The following EPN1 variants were observed in gnomAD, a reference collection of about 807,000 sequenced individuals.
EPN1 encodes the protein epsin-1.
EPN1 carries 25 observed loss-of-function variants against 56.9 expected under a neutral mutation model. That is an observed-to-expected ratio of 0.44 (90% confidence interval 0.32 to 0.61). The LOEUF (loss-of-function observed/expected upper bound fraction) is 0.61. Among genes scored for constraint, EPN1 ranks in the 20% least tolerant of loss-of-function variants. EPN1 has a pLI of 0.05. For synonymous variants in EPN1, 411 were observed against 361.8 expected (o/e 1.14, Z -1.54); for missense variants, 785 against 823.7 (o/e 0.95, Z 0.58).
In EPN1 at chr19:55,693,042, G is replaced by GCCCCTGCCCT. The variant is rs1015462838; in HGVS notation, c.1264+15_1264+24dup. 1.9e-6 allele frequency: 3 copies of GCCCCTGCCCT among 1,611,602 alleles called. No homozygotes were observed. Among genetic ancestry groups the GCCCCTGCCCT allele is most frequent in the African/African-American group, 1.3e-5 (1 of 75,018 alleles). On this transcript the variant is annotated splice_donor_region_variant and intron_variant, in intron 9 of 10. Coordinates refer to ENST00000270460, the MANE Select transcript of EPN1 (RefSeq NM_001130072.2). ...CGACCTCCGGGAGCAGCGCAGGTGA[G>GCCCCTGCCCT]CCCCTGCCCTCCCCTGCCCAGTGGC...
intron 2 of EPN1, chr19:55,680,870 G>C (rs1985769772): frequency 6.6e-6 from 1 of 152,468 alleles, no homozygotes; most frequent in Non-Finnish European, 1.5e-5. Context: ...GTGCTGACCT[G>C]TTCTGGCATG....
Position 55,697,398 on chromosome 19 carries a change from A to G in EPN1, c.*2042A>G, listed in dbSNP as rs2039386786. On this transcript the variant is annotated 3_prime_UTR_variant, in exon 11 of 11. Transcript: ENST00000270460. ...AGACCCTCCATTCACCAAATTAAGGATAAGTTTCACGATTTCGCACTGCGG... is the reference window on the plus strand; with the variant it reads ...AGACCCTCCATTCACCAAATTAAGGGTAAGTTTCACGATTTCGCACTGCGG... 2 of 152,200 alleles carry G rather than the reference A, an allele frequency of 1.3e-5. No homozygotes were observed. The highest frequency in any genetic ancestry group is 4.1e-4 in the South Asian group (2 of 4,834). The allele number at this position is 152,200 out of a possible 1,614,324, so 9.4% of individuals were successfully genotyped here.
In EPN1 at chr19:55,691,949, C is replaced by T. The variant is rs1202662066; in HGVS notation, c.958C>T (p.Pro320Ser). ...GPAPTPASGD[P>S]WRPAAPAGPS... is the part of the protein sequence containing the mutation. ...AGCCCCCACGCCGGCCTCTGGGGAC[C>T]CCTGGAGGCCTGCTGCCCCTGCAGG... The change falls in exon 7 of 11, where the codon CCC becomes TCC. Residue 320 changes from proline (P) to serine (S), a missense_variant. Coordinates refer to ENST00000270460, the MANE Select transcript of EPN1 (RefSeq NM_001130072.2). This position sits in a 1 kb window ranked among gnomAD's most constrained non-coding sequence, Gnocchi z 5.6. 2 of 1,529,770 alleles carry T rather than the reference C, an allele frequency of 1.3e-6. No homozygotes were observed. Among genetic ancestry groups the T allele is most frequent in the East Asian group, 4.6e-5 (2 of 43,196 alleles). 94.8% of individuals were successfully genotyped at this position (1,529,770 alleles called of 1,614,324 possible). A position where few individuals can be genotyped will look rare whatever the true frequency, so the allele number is the denominator to read the frequency against.
intron 7 of EPN1, 140 bp downstream of exon 7, chr19:55,692,197 G>A: frequency 1.3e-6 from 1 of 744,782 alleles, no homozygotes; most frequent in Non-Finnish European, 2.0e-6. Flanking sequence ...GAGGGGGCAA[G>A]GGCGGGGGTC....
At chr19:55,675,565 T>A (rs2122148792) in intron 1 of EPN1, 130 bp downstream of exon 1, 1 of 153,362 alleles carries the variant, frequency 6.5e-6, no homozygotes, top group East Asian at 1.9e-4. Flanking sequence ...TCTCTGCTCC[T>A]GTGTCGGCCT....
rs370140669 is a variant in EPN1 at position 55,689,884 on chromosome 19, C to A, written c.696C>A (p.Arg232=). 8 of 1,604,924 alleles carry A rather than the reference C, an allele frequency of 5.0e-6. No individual in the cohort carries two copies. The highest frequency in any genetic ancestry group is 1.7e-4 in the Middle Eastern group (1 of 6,008). The change falls in exon 6 of 11, where the codon CGC becomes CGA. Residue 232 remains arginine, a synonymous_variant. Transcript: ENST00000270460. The surrounding 1 kb of genome is among the most constrained non-coding windows in gnomAD (Gnocchi z 5.7). ...EEHDKEERIR[R]GDDLRLQMAI... ...CCCAACAGGAGGAGCGGATCCGTCG[C>A]GGGGATGACCTGCGGCTGCAGATGG... is the stretch of plus-strand genomic sequence containing the variant.
At position 55,694,590 on chromosome 19, in the gene EPN1, G is replaced by A. The variant is rs570684004; in HGVS notation, c.1265-136G>A. 11 of 1,100,010 alleles carry A rather than the reference G, an allele frequency of 1.0e-5. No homozygotes were observed. In the Admixed American group the frequency reaches 3.5e-4, roughly 35 times the overall value. The allele number at this position is 1,100,010 out of a possible 1,614,324, so 68.1% of individuals were successfully genotyped here. On this transcript the variant is annotated intron_variant, in intron 9 of 10. Coordinates refer to ENST00000270460, the MANE Select transcript of EPN1 (RefSeq NM_001130072.2). The surrounding 1 kb of genome is among the most constrained non-coding windows in gnomAD (Gnocchi z 4.2). ...CCTGGGCAAGCGATGCTTCCGCTCT[G>A]CACCTCAGTTCCTCCTTCCCGAGGC...
chr19:55,694,108 A>T lies in EPN1; in HGVS notation c.1265-618A>T, dbSNP rs1376182866. On this transcript the variant is annotated intron_variant, in intron 9 of 10. Coordinates refer to ENST00000270460, the MANE Select transcript of EPN1 (RefSeq NM_001130072.2). The surrounding 1 kb of genome is among the most constrained non-coding windows in gnomAD (Gnocchi z 4.2). ...GTGGCGCACGCCTGTAATCCCAGCT[A>T]CTTGGGAGGCTGAGGCAGGAGAATC... The T allele has an allele frequency of 1.3e-5, 2 of 151,462 alleles. No individual in the cohort carries two copies. The highest frequency in any genetic ancestry group is 4.9e-5 in the African/African-American group (2 of 41,186). The allele number at this position is 151,462 out of a possible 1,614,324, so 9.4% of individuals were successfully genotyped here.
Position 55,689,394 on chromosome 19 carries a change from T to C in EPN1, c.678+23T>C. 1 of 1,543,718 alleles carries C rather than the reference T, an allele frequency of 6.5e-7. No individual in the cohort carries two copies. Among genetic ancestry groups the C allele is most frequent in the Non-Finnish European group, 8.8e-7 (1 of 1,139,894 alleles). On this transcript the variant is annotated intron_variant, in intron 5 of 10. Transcript: ENST00000270460. This position sits in a 1 kb window ranked among gnomAD's most constrained non-coding sequence, Gnocchi z 5.7. ...AAGGTCAGAGCAGCCTCCCTGTCCC[T>C]GCCCCTGCCAGGGGCTCCCCTCAGA... is the stretch of plus-strand genomic sequence containing the variant.
rs1987429015 is a variant in EPN1 at position 55,706,569 on chromosome 19, T to C, written c.*11213T>C. The C allele has an allele frequency of 6.6e-6, 1 of 151,352 alleles. No homozygotes were observed. The highest frequency in any genetic ancestry group is 2.1e-4 in the South Asian group (1 of 4,798). 9.4% of individuals were successfully genotyped at this position (151,352 alleles called of 1,614,324 possible). On this transcript the variant is annotated 3_prime_UTR_variant, in exon 11 of 11. Coordinates refer to ENST00000270460, the MANE Select transcript of EPN1 (RefSeq NM_001130072.2). ...CAGTAGGCTAAGGCGGGAGAATCGC[T>C]TGAACCCAGAGGCAGAGGCTGCAGT... is the stretch of plus-strand genomic sequence containing the variant.
rs1291694516 is a variant in EPN1 at position 55,704,535 on chromosome 19, T to C, written c.*9179T>C. 2.0e-5 allele frequency: 3 copies of C among 152,230 alleles called. No individual in the cohort carries two copies. Among genetic ancestry groups the C allele is most frequent in the Admixed American group, 6.5e-5 (1 of 15,284 alleles). The allele number at this position is 152,230 out of a possible 1,614,324, so 9.4% of individuals were successfully genotyped here. A position where few individuals can be genotyped will look rare whatever the true frequency, so the allele number is the denominator to read the frequency against. ...CTGCAGCACCTTCATCTTGAATTTC[T>C]GGTTTCCAGAACTGTGAGAAAATCC... On this transcript the variant is annotated 3_prime_UTR_variant, in exon 11 of 11. Coordinates refer to ENST00000270460, the MANE Select transcript of EPN1 (RefSeq NM_001130072.2).
At chr19:55,685,759 C>A in intron 3 of EPN1, 114 bp downstream of exon 3, 1 of 1,367,318 alleles carries the variant, frequency 7.3e-7, no homozygotes, top group Non-Finnish European at 9.9e-7. Context: ...CCGCGGCATC[C>A]CCCTTTGCTT....
Position 55,706,280 on chromosome 19 carries a change from C to CTTTTT in EPN1, c.*10926_*10927insTTTTT, listed in dbSNP as rs1323034565. Reference sequence around the variant, plus strand: ...TTTCTTCCTTTCTTCTCTTTTTCTTCTTCTTTTTTTTTTTTTTTTAAAAGA... The same window carrying CTTTTT: ...TTTCTTCCTTTCTTCTCTTTTTCTTCTTTTTTTCTTTTTTTTTTTTTTTTAAAAGA... On this transcript the variant is annotated 3_prime_UTR_variant, in exon 11 of 11. Transcript: ENST00000270460. 5.8e-3 allele frequency: 756 copies of CTTTTT among 129,242 alleles called. 19 individuals carry two copies. Among genetic ancestry groups the CTTTTT allele is most frequent in the African/African-American group, 0.02 (629 of 31,608 alleles). 8.0% of individuals were successfully genotyped at this position (129,242 alleles called of 1,614,324 possible). A position where few individuals can be genotyped will look rare whatever the true frequency, so the allele number is the denominator to read the frequency against.
chr19:55,689,520 A>C lies in EPN1; in HGVS notation c.678+149A>C, dbSNP rs2122201624. 2 of 659,122 alleles carry C rather than the reference A, an allele frequency of 3.0e-6. No individual in the cohort carries two copies. Among genetic ancestry groups the C allele is most frequent in the African/African-American group, 3.6e-5 (2 of 55,648 alleles). The allele number at this position is 659,122 out of a possible 1,614,324, so 40.8% of individuals were successfully genotyped here. A position where few individuals can be genotyped will look rare whatever the true frequency, so the allele number is the denominator to read the frequency against. ...AAACCTCAGTACCTTCAGCCGTAGG[A>C]TGTAGGACCACAAGTCAGACAGAGC... On this transcript the variant is annotated intron_variant, in intron 5 of 10. Transcript: ENST00000270460. This position sits in a 1 kb window ranked among gnomAD's most constrained non-coding sequence, Gnocchi z 5.7.
intron 3 of EPN1, among the ~76,000 whole-genome samples, chr19:55,686,818 G>A (rs1986200924): frequency 1.3e-5 from 2 of 152,074 alleles, no homozygotes; most frequent in Admixed American, 6.5e-5. Flanking sequence ...CAGGCAGGCA[G>A]GTGGGTGGCG....
intron 2 of EPN1, among the ~76,000 whole-genome samples, chr19:55,679,257 G>A (rs865824075): frequency 1.3e-5 from 2 of 152,250 alleles, no homozygotes; most frequent in African/African-American, 2.4e-5. Context: ...GAACGCTGTC[G>A]TGCCTGTGAG....
At chr19:55,685,741 A>C (rs1044663741) in intron 3 of EPN1, 96 bp downstream of exon 3, 88 of 1,458,050 alleles carry the variant, frequency 6.0e-5, no homozygotes, top group Non-Finnish European at 7.6e-5. Flanking sequence ...TCTCCCAGCC[A>C]GGAGGGACCG....
At position 55,685,407 on chromosome 19, in the gene EPN1, G is replaced by A. The variant is rs1986099833; in HGVS notation, c.240G>A (p.Leu80=). The stretch of plus-strand genomic sequence containing the variant: ...GTGCCCGCTCGCAGGCCATGACGCT[G>A]ATGGAGTACCTCATCAAGACCGGCT... ...NWRHVYKAMT[L]MEYLIKTGSE... Residue 80 remains leucine, a synonymous_variant, in exon 3 of 11, where the codon CTG becomes CTA. Transcript: ENST00000270460. 2 of 1,610,986 alleles carry A rather than the reference G, an allele frequency of 1.2e-6. No individual in the cohort carries two copies. The highest frequency in any genetic ancestry group is 1.3e-5 in the African/African-American group (1 of 74,904).
rs1275252930 is a variant in EPN1 at position 55,694,704 on chromosome 19, C to A, written c.1265-22C>A. ...CTCACTGCTGTCTGCCCTGTCTGAG[C>A]CCCTCTCCCGGATCCTTCCAGGAGA... On this transcript the variant is annotated intron_variant, in intron 9 of 10. Coordinates refer to ENST00000270460, the MANE Select transcript of EPN1 (RefSeq NM_001130072.2). The surrounding 1 kb of genome is among the most constrained non-coding windows in gnomAD (Gnocchi z 4.2). 6.5e-7 allele frequency: 1 copy of A among 1,539,442 alleles called. No individual in the cohort carries two copies. The highest frequency in any genetic ancestry group is 1.3e-5 in the South Asian group (1 of 78,866).
Sources: gnomAD v4.1 joint callset for allele counts (sites outside exome capture counted in the v4.1 genomes callset) on GRCh38, gnomAD v4.1.1 for gene constraint, Gnocchi (gnomAD v3.1) non-coding constraint, MANE v1.5 for transcripts, NCBI Gene and HGNC (gene_info 2026-07-23, HGNC 2026-07-21) for gene names.